ZNF423: variants seen among roughly 807,000 people sequenced by gnomAD.
ZNF423 encodes the protein zinc finger protein 423, also known as Ebf-associated zinc finger protein.
In ZNF423, 12 loss-of-function variants were observed where a neutral mutation model predicts 95.8. The ratio of observed to expected loss-of-function variants is 0.13; its 90% CI spans 0.08 to 0.20. The LOEUF (loss-of-function observed/expected upper bound fraction) is 0.20, where lower values mean the gene tolerates loss of function less well. Among genes scored for constraint, ZNF423 ranks in the 10% least tolerant of loss-of-function variants. The pLI is 1.00. For synonymous variants in ZNF423, 749 were observed against 711.9 expected (o/e 1.05, Z -0.83); for missense variants, 1,316 against 1,737.1 (o/e 0.76, Z 4.31).
chr16:49,730,685 T>G, intron 3 of ZNF423, 86 bp downstream of exon 3: 1 of 1,385,910 alleles, frequency 7.2e-7, no homozygotes, highest in East Asian at 2.3e-5. Flanking sequence ...TATTAATTCT[T>G]TAATCTCACT....
chr16:49,687,307 G>T lies in ZNF423; in HGVS notation c.301+43464C>A, dbSNP rs535339550. On this transcript the variant is annotated intron_variant, in intron 3 of 7. Transcript: ENST00000563137. ...ACTCCCTCCAGGTTATATTTAGGAA[G>T]GGGTGGAAGTGGGGGAAGCTTCCTC... Among the ~76,000 whole-genome samples, 29 of 152,010 alleles carry T rather than the reference G, an allele frequency of 1.9e-4. No homozygotes were observed. The South Asian group carries it at 4.8e-3, about 25-fold the overall frequency.
intron 3 of ZNF423, among the ~76,000 whole-genome samples, chr16:49,714,231 C>T (rs542677576): frequency 1.3e-5 from 2 of 152,318 alleles, no homozygotes; most frequent in African/African-American, 2.4e-5. Flanking sequence ...GATGGTATGA[C>T]GGTATGACGA....
chr16:49,733,578 C>T (rs2033218336), intron 2 of ZNF423, among the ~76,000 whole-genome samples: 1 of 152,182 alleles, frequency 6.6e-6, no homozygotes, highest in African/African-American at 2.4e-5. Context: ...CTGTTTTAAG[C>T]AACTGTCACC....
intron 7 of ZNF423, among the ~76,000 whole-genome samples, chr16:49,498,833 C>T (rs1009734848): frequency 4.6e-5 from 7 of 152,174 alleles, no homozygotes; most frequent in African/African-American, 7.2e-5. Context: ...GGGTCTAAGA[C>T]GAACAGATGG....
intron 1 of ZNF423, among the ~76,000 whole-genome samples, chr16:49,809,171 G>A (rs1055921292): frequency 2.0e-5 from 3 of 152,358 alleles, no homozygotes; most frequent in South Asian, 2.1e-4. Context: ...TTCGAATGGC[G>A]GAGAGATGGG....
chr16:49,853,220 C>CT (rs1302108101), intron 1 of ZNF423, among the ~76,000 whole-genome samples: 1 of 134,878 alleles, frequency 7.4e-6, no homozygotes. Context: ...AGGTGAAGAC[C>CT]TTGTCGTTTC....
At chr16:49,813,436 G>A (rs1417169908) in intron 1 of ZNF423, among the ~76,000 whole-genome samples, 1 of 152,180 alleles carries the variant, frequency 6.6e-6, no homozygotes, top group Non-Finnish European at 1.5e-5. Context: ...CGTGCCCTGA[G>A]GAACCGCCCC....
At chr16:49,551,905 A>G (rs1160523446) in intron 5 of ZNF423, among the ~76,000 whole-genome samples, 1 of 152,144 alleles carries the variant, frequency 6.6e-6, no homozygotes, top group Non-Finnish European at 1.5e-5. Flanking sequence ...TACACTGTGC[A>G]AGTCCTGTAC....
chr16:49,758,325 G>A (rs2033765955), intron 2 of ZNF423, among the ~76,000 whole-genome samples: 1 of 152,112 alleles, frequency 6.6e-6, no homozygotes, highest in Non-Finnish European at 1.5e-5. Flanking sequence ...TTTTAATAGA[G>A]ACAGGGTTTC....
chr16:49,576,097 C>T (rs1002018802), intron 5 of ZNF423, among the ~76,000 whole-genome samples: 1 of 152,224 alleles, frequency 6.6e-6, no homozygotes, highest in Non-Finnish European at 1.5e-5. Flanking sequence ...GTTTCTCAAA[C>T]TCCATACCCA....
intron 2 of ZNF423, among the ~76,000 whole-genome samples, chr16:49,771,129 G>T (rs1443468754): frequency 6.6e-6 from 1 of 151,010 alleles, no homozygotes; most frequent in African/African-American, 2.4e-5. Flanking sequence ...ATGGAGACTG[G>T]TATCATTTGG....
At chr16:49,800,687 G>A (rs2034569542) in intron 1 of ZNF423, among the ~76,000 whole-genome samples, 1 of 152,208 alleles carries the variant, frequency 6.6e-6, no homozygotes, top group Non-Finnish European at 1.5e-5. Context: ...ACAGTGCCGG[G>A]TATCCCACAT....
intron 3 of ZNF423, among the ~76,000 whole-genome samples, chr16:49,708,398 C>T (rs1247739646): frequency 2.6e-5 from 4 of 151,986 alleles, no homozygotes; most frequent in Non-Finnish European, 4.4e-5. Context: ...AGGGTTCAAC[C>T]GCCTCAGCCT....
rs551553534 is a variant in ZNF423 at position 49,663,666 on chromosome 16, T to C, written c.302-24792A>G. Among the ~76,000 whole-genome samples, 53 of 152,138 alleles carry C rather than the reference T, an allele frequency of 3.5e-4. No homozygotes were observed. In the South Asian group the frequency reaches 1.0e-2, roughly 29 times the overall value. On this transcript the variant is annotated intron_variant, in intron 3 of 7. Transcript: ENST00000563137. Reference sequence around the variant, plus strand: ...CAGGAGCCAGAGGCAGGCAAGCACTTGAGTGCAAAAACCATCACAGATGCA... The same window carrying C: ...CAGGAGCCAGAGGCAGGCAAGCACTCGAGTGCAAAAACCATCACAGATGCA...
At chr16:49,508,513 T>TA (rs35061120) in intron 7 of ZNF423, among the ~76,000 whole-genome samples, 22,520 of 101,484 alleles carry the variant, frequency 0.22, 2,494 homozygotes, top group South Asian at 0.29. Flanking sequence ...TTCTCTTTCT[T>TA]AAAAAAAAAA....
chr16:49,545,363 T>C (rs1255633826), intron 5 of ZNF423, among the ~76,000 whole-genome samples: 1 of 152,142 alleles, frequency 6.6e-6, no homozygotes, highest in Non-Finnish European at 1.5e-5. Flanking sequence ...ATGGGGACTG[T>C]CATGAAGAGG....
At chr16:49,654,308 A>C (rs1166899843) in intron 3 of ZNF423, among the ~76,000 whole-genome samples, 1 of 152,096 alleles carries the variant, frequency 6.6e-6, no homozygotes. Flanking sequence ...CAAGCATCTC[A>C]CAGGTGGTGG....
intron 3 of ZNF423, among the ~76,000 whole-genome samples, chr16:49,649,094 A>G (rs928696426): frequency 6.6e-6 from 1 of 152,204 alleles, no homozygotes; most frequent in African/African-American, 2.4e-5. Flanking sequence ...TTGGACACCC[A>G]AAACTTCACA....
intron 1 of ZNF423, among the ~76,000 whole-genome samples, chr16:49,813,851 C>CA (rs2034793778): frequency 6.6e-6 from 1 of 152,220 alleles, no homozygotes; most frequent in South Asian, 2.1e-4. Context: ...AGAAGCCACC[C>CA]AGGAAAGGCC....
Sources: allele counts gnomAD v4.1 joint callset (sites outside exome capture counted in the v4.1 genomes callset), GRCh38; gene constraint gnomAD v4.1.1; transcripts MANE v1.5; gene names NCBI Gene and HGNC (gene_info 2026-07-23, HGNC 2026-07-21).